Variants in SEMA3A observed in about 807,000 individuals in gnomAD.
SEMA3A encodes the protein semaphorin 3A.
A neutral mutation model predicts 97.9 loss-of-function variants in SEMA3A; 29 were observed. The observed-to-expected ratio is 0.30, with a 90% CI of 0.22 to 0.40. The LOEUF is 0.40. Among genes scored for constraint, SEMA3A ranks in the 10% least tolerant of loss-of-function variants. The pLI, the probability that SEMA3A is intolerant of heterozygous loss-of-function variation, is 1.00. For missense variants in SEMA3A, 763 were observed against 951.3 expected (o/e 0.80, Z 2.60); for synonymous variants, 321 against 323.7 (o/e 0.99, Z 0.09).
At chr7:84,436,762 T>C (rs961397530) in intron 1 of SEMA3A, among the ~76,000 whole-genome samples, 1 of 152,128 alleles carries the variant, frequency 6.6e-6, no homozygotes, top group Non-Finnish European at 1.5e-5. Flanking sequence ...CATAGATTGC[T>C]TGTAGAATGC....
intron 3 of SEMA3A, among the ~76,000 whole-genome samples, chr7:84,283,120 G>T (rs1002100387): frequency 6.6e-6 from 1 of 151,710 alleles, no homozygotes; most frequent in African/African-American, 2.4e-5. Context: ...TTTAAGAATT[G>T]TGTGTGTGTG....
intron 5 of SEMA3A, among the ~76,000 whole-genome samples, chr7:84,049,747 G>A (rs1022698005): frequency 1.3e-5 from 2 of 150,304 alleles, no homozygotes; most frequent in African/African-American, 4.9e-5. Context: ...AAGTTTTAGG[G>A]TACATGTGCA....
At position 84,007,363 on chromosome 7, in the gene SEMA3A, C is replaced by T. The variant is rs1160588239; in HGVS notation, c.1130G>A (p.Arg377Gln). Residue 377 changes from arginine (R) to glutamine (Q), a missense_variant, in exon 10 of 17, where the codon CGG becomes CAG. Arg to Gln is a conservative substitution (Grantham distance 43). Coordinates refer to ENST00000265362, the MANE Select transcript of SEMA3A (RefSeq NM_006080.3). Reference protein sequence around the residue: ...VPYQGRVPYPRPGTCPSKTFG... With the variant: ...VPYQGRVPYPQPGTCPSKTFG... ...ACCTAAGCTACTTACAGTTCCTGGC[C>T]GTGGATAGGGGACTCTTCCTTGATA... 3 of 1,601,196 alleles carry T rather than the reference C, an allele frequency of 1.9e-6. No individual in the cohort carries two copies. The highest frequency in any genetic ancestry group is 2.6e-6 in the Non-Finnish European group (3 of 1,174,128).
chr7:84,099,274 G>A lies in SEMA3A; in HGVS notation c.453+11196C>T, dbSNP rs1220629992. 1.7e-4 allele frequency among the ~76,000 whole-genome samples: 10 copies of A among 59,272 alleles called. 4 individuals are homozygous for A. Among genetic ancestry groups the A allele is most frequent in the Non-Finnish European group, 5.5e-4 (10 of 18,206 alleles). The allele number at this position is 59,272 out of a possible 152,430, so 38.9% of individuals were successfully genotyped here. On this transcript the variant is annotated intron_variant, in intron 4 of 16. Coordinates refer to ENST00000265362, the MANE Select transcript of SEMA3A (RefSeq NM_006080.3). ...TTTAGTAGAGACGGTGTTTCACCGT[G>A]TTAGCCAGGATGGTCTCGATCTCCT...
chr7:84,448,560 G>C (rs985093216), intron 1 of SEMA3A, among the ~76,000 whole-genome samples: 6 of 151,596 alleles, frequency 4.0e-5, no homozygotes, highest in Non-Finnish European at 1.5e-5. Context: ...ATGTACAATA[G>C]CATCAAAAAC....
chr7:84,173,364 C>T (rs1386528804), intron 1 of SEMA3A, among the ~76,000 whole-genome samples: 3 of 151,720 alleles, frequency 2.0e-5, no homozygotes, highest in East Asian at 2.0e-4. Context: ...AAGACCAGCC[C>T]GGCCCACACG....
Position 84,481,003 on chromosome 7 carries a change from C to T in SEMA3A, c.-246+11457G>A, listed in dbSNP as rs556567768. Reference sequence around the variant, plus strand: ...GAAAAATCTAAAGTTAGTAAGAAGCCTATGGCATGAGGGTGACTGTTTTTG... The same window carrying T: ...GAAAAATCTAAAGTTAGTAAGAAGCTTATGGCATGAGGGTGACTGTTTTTG... On this transcript the variant is annotated intron_variant, in intron 1 of 3. Coordinates refer to the SEMA3A transcript ENST00000424555. Among the ~76,000 whole-genome samples, 33 of 152,250 alleles carry T rather than the reference C, an allele frequency of 2.2e-4. No homozygotes were observed. The South Asian group carries it at 5.2e-3, about 24-fold the overall frequency.
At chr7:84,413,553 G>T (rs868318365) in intron 1 of SEMA3A, among the ~76,000 whole-genome samples, 2 of 152,056 alleles carry the variant, frequency 1.3e-5, no homozygotes, top group Middle Eastern at 3.2e-3. Context: ...ACCTGATTCT[G>T]GGAAATCGAG....
chr7:84,150,899 G>T (rs552990722), intron 1 of SEMA3A, among the ~76,000 whole-genome samples: 4 of 150,956 alleles, frequency 2.6e-5, no homozygotes, highest in Admixed American at 1.3e-4. Context: ...ATCTGAGAAC[G>T]GGCAGACTGC....
intron 12 of SEMA3A, among the ~76,000 whole-genome samples, chr7:83,990,195 T>A (rs1789841108): frequency 6.6e-6 from 1 of 151,832 alleles, no homozygotes; most frequent in African/African-American, 2.4e-5. Context: ...TTTGTTTGAG[T>A]TCATTGTAGA....
At chr7:84,151,000 G>C (rs1387341046) in intron 1 of SEMA3A, among the ~76,000 whole-genome samples, 1 of 147,774 alleles carries the variant, frequency 6.8e-6, no homozygotes, top group Non-Finnish European at 1.5e-5. Context: ...CACACTGCAG[G>C]GTACTCCAAC....
At chr7:84,277,327 T>C (rs967493942) in intron 3 of SEMA3A, among the ~76,000 whole-genome samples, 9 of 152,188 alleles carry the variant, frequency 5.9e-5, no homozygotes, top group African/African-American at 1.9e-4. Context: ...ATGATAGATA[T>C]AGATAGAGAC....
At chr7:84,388,212 ACATGAG>A (rs1705854844) in intron 1 of SEMA3A, among the ~76,000 whole-genome samples, 1 of 152,042 alleles carries the variant, frequency 6.6e-6, no homozygotes, top group Non-Finnish European at 1.5e-5. Context: ...CATATAAGAA[ACATGAG>A]CTTAAGCTTT....
intron 1 of SEMA3A, among the ~76,000 whole-genome samples, chr7:84,445,516 A>AAAAAAAAAAAAAG (rs1805391070): frequency 7.3e-5 from 9 of 123,722 alleles, no homozygotes; most frequent in East Asian, 5.4e-4. Flanking sequence ...AAAAAAAAAA[A>AAAAAAAAAAAAAG]AAAAGAAAAG....
intron 4 of SEMA3A, among the ~76,000 whole-genome samples, chr7:84,067,271 T>A (rs1793549304): frequency 6.6e-6 from 1 of 151,896 alleles, no homozygotes; most frequent in Non-Finnish European, 1.5e-5. Context: ...AAAAATCAAT[T>A]CAAGATGGAT....
intron 2 of SEMA3A, among the ~76,000 whole-genome samples, chr7:84,132,660 G>T (rs931135572): frequency 3.9e-4 from 35 of 90,198 alleles, no homozygotes; most frequent in Non-Finnish European, 4.8e-4. Flanking sequence ...CATCGACTTG[G>T]TGTTTTTTTT....
chr7:84,238,996 C>CGTGA (rs1303916066), intron 3 of SEMA3A, among the ~76,000 whole-genome samples: 5 of 152,184 alleles, frequency 3.3e-5, no homozygotes, highest in African/African-American at 1.2e-4. Flanking sequence ...GGATGACAGG[C>CGTGA]GTGAGCCACC....
At chr7:84,334,648 C>T (rs1478826833) in intron 2 of SEMA3A, among the ~76,000 whole-genome samples, 1 of 151,094 alleles carries the variant, frequency 6.6e-6, no homozygotes, top group Non-Finnish European at 1.5e-5. Context: ...CAACCTGCTG[C>T]CTCCTGGTCA....
At chr7:84,138,440 C>T (rs10244779) in intron 1 of SEMA3A, among the ~76,000 whole-genome samples, 34,083 of 151,796 alleles carry the variant, frequency 0.22, 3,959 homozygotes, top group African/African-American at 0.27. Flanking sequence ...ATCACAGTTC[C>T]AAACAATGAA....
Sources: gnomAD v4.1 joint callset for allele counts (sites outside exome capture counted in the v4.1 genomes callset) on GRCh38, gnomAD v4.1.1 for gene constraint, MANE v1.5 for transcripts, NCBI Gene and HGNC (gene_info 2026-07-23, HGNC 2026-07-21) for gene names.